Variants in CNTN1 observed in about 807,000 individuals in gnomAD.
CNTN1 encodes contactin-1.
A neutral mutation model predicts 126.4 loss-of-function variants in CNTN1; 38 were observed. The observed-to-expected ratio is 0.30, with a 90% CI of 0.23 to 0.39. The LOEUF is 0.39. Among genes scored for constraint, CNTN1 ranks in the 10% least tolerant of loss-of-function variants. The probability of loss-of-function intolerance (pLI) is 1.00; values close to 1 mark genes in which losing one functional copy is unlikely to be tolerated. For missense variants in CNTN1, 1,009 were observed against 1,248.4 expected, an observed-to-expected ratio of 0.81 and a Z score of 2.89; for synonymous variants, 413 against 422.6, an observed-to-expected ratio of 0.98 and a Z score of 0.28.
At chr12:40,795,189 T>G (rs1940367550) in intron 1 of CNTN1, among the ~76,000 whole-genome samples, 1 of 151,842 alleles carries the variant, frequency 6.6e-6, no homozygotes, top group African/African-American at 2.4e-5. Flanking sequence ...CAGCCAGCCT[T>G]GGGGATTTCT....
rs1475496300 is a variant in CNTN1 at position 40,773,672 on chromosome 12, T to TATATATAC, written c.-77+81081_-77+81082insTATATACA. Among the ~76,000 whole-genome samples, 9 of 9,702 alleles carry TATATATAC rather than the reference T, an allele frequency of 9.3e-4. No homozygotes were observed. In the Admixed American group the frequency reaches 0.011, roughly 12 times the overall value. 6.4% of individuals were successfully genotyped at this position (9,702 alleles called of 152,430 possible). Reference sequence around the variant, plus strand: ...ATATATATACACATATATATATATATACACATATATATATATATATACACA... The same window carrying TATATATAC: ...ATATATATACACATATATATATATATATATATACACACATATATATATATATATACACA... On this transcript the variant is annotated intron_variant, in intron 1 of 23. Transcript: ENST00000551295.
At position 40,816,641 on chromosome 12, in the gene CNTN1, C is replaced by T. The variant is rs149291142; in HGVS notation, c.-76-91716C>T. 3.9e-3 allele frequency among the ~76,000 whole-genome samples: 567 copies of T among 145,308 alleles called. 5 individuals carry two copies. Among genetic ancestry groups the T allele is most frequent in the African/African-American group, 0.014 (543 of 39,678 alleles). On this transcript the variant is annotated intron_variant, in intron 1 of 23. Transcript: ENST00000551295. ...TGAAGGGTTTTTCGTGTCTCTGTTTCCTTCACTTCTTCTCTGATCTTATTT... is the reference window on the plus strand; with the variant it reads ...TGAAGGGTTTTTCGTGTCTCTGTTTTCTTCACTTCTTCTCTGATCTTATTT...
In CNTN1 at chr12:41,019,150, C is replaced by G. The variant is rs150216522; in HGVS notation, c.2420-1187C>G. 6.2e-4 allele frequency among the ~76,000 whole-genome samples: 94 copies of G among 152,194 alleles called. 1 individual carries two copies. The East Asian group carries it at 0.016, about 26-fold the overall frequency. On this transcript the variant is annotated intron_variant, in intron 19 of 23. Transcript: ENST00000551295. ...CAGCCTGGGCAACAAGAGCGAAACT[C>G]CATCTCAAAAACAAAACAAAACAAC...
intron 23 of CNTN1, among the ~76,000 whole-genome samples, chr12:41,067,831 A>G (rs1950079395): frequency 6.6e-6 from 1 of 152,010 alleles, no homozygotes; most frequent in African/African-American, 2.4e-5. Flanking sequence ...TAAAGGTTTT[A>G]CTGTGTGATT....
intron 7 of CNTN1, among the ~76,000 whole-genome samples, chr12:40,930,585 TA>T (rs1185204851): frequency 6.6e-6 from 1 of 151,924 alleles, no homozygotes; most frequent in African/African-American, 2.4e-5. Flanking sequence ...ACTTCCCTTT[TA>T]AAAAGCACTG....
chr12:40,921,461 C>T (rs1184445769), intron 4 of CNTN1, among the ~76,000 whole-genome samples: 3 of 152,172 alleles, frequency 2.0e-5, no homozygotes, highest in African/African-American at 7.2e-5. Context: ...TTTTCATCAT[C>T]ACATCAGAAA....
At chr12:40,776,664 A>G (rs1387043757) in intron 1 of CNTN1, among the ~76,000 whole-genome samples, 1 of 151,742 alleles carries the variant, frequency 6.6e-6, no homozygotes, top group Non-Finnish European at 1.5e-5. Context: ...TAGACTTAAG[A>G]AAGGAATAGT....
At chr12:40,952,808 CA>C (rs1025767615) in intron 14 of CNTN1, among the ~76,000 whole-genome samples, 5 of 151,860 alleles carry the variant, frequency 3.3e-5, no homozygotes, top group Admixed American at 3.3e-4. Flanking sequence ...TCTAACAAGC[CA>C]AAAGTAAAGA....
intron 14 of CNTN1, among the ~76,000 whole-genome samples, chr12:40,954,130 T>C (rs909059390): frequency 6.6e-6 from 1 of 152,112 alleles, no homozygotes; most frequent in African/African-American, 2.4e-5. Flanking sequence ...ACCAAAGTAC[T>C]GAGTTCATTT....
chr12:41,053,425 CTAAATA>C (rs1445540640), intron 23 of CNTN1, among the ~76,000 whole-genome samples: 1 of 35,856 alleles, frequency 2.8e-5, no homozygotes, highest in African/African-American at 1.9e-4. Flanking sequence ...CATGTTTTCA[CTAAATA>C]TATATATATA....
At chr12:40,949,192 C>T (rs1592305906) in intron 14 of CNTN1, among the ~76,000 whole-genome samples, 1 of 107,696 alleles carries the variant, frequency 9.3e-6, no homozygotes, top group African/African-American at 3.7e-5. Flanking sequence ...AAACAGAAGT[C>T]AATTTGTTTT....
chr12:40,831,978 A>C (rs1017611509), intron 1 of CNTN1, among the ~76,000 whole-genome samples: 4 of 152,204 alleles, frequency 2.6e-5, no homozygotes, highest in Non-Finnish European at 5.9e-5. Context: ...AATATGTATA[A>C]AAGTATGGAG....
chr12:40,877,318 C>T (rs1943702830), intron 1 of CNTN1, among the ~76,000 whole-genome samples: 1 of 151,402 alleles, frequency 6.6e-6, no homozygotes, highest in Non-Finnish European at 1.5e-5. Context: ...ATCAAATAAA[C>T]AGACTCATGG....
In CNTN1 at chr12:41,029,006, G is replaced by C. The variant is rs962533442; in HGVS notation, c.2824-57G>C. 3 of 1,506,132 alleles carry C rather than the reference G, an allele frequency of 2.0e-6. No homozygotes were observed. In the African/African-American group the frequency reaches 4.1e-5, roughly 21 times the overall value. The allele number at this position is 1,506,132 out of a possible 1,614,324, so 93.3% of individuals were successfully genotyped here. A position where few individuals can be genotyped will look rare whatever the true frequency, so the allele number is the denominator to read the frequency against. ...CATTTTTATTCTGGTTTTAGTGTTA[G>C]AGCATTGGCTCATTATTATGACTTT... On this transcript the variant is annotated intron_variant, in intron 22 of 23. Transcript: ENST00000551295.
chr12:40,972,588 TA>T (rs1947553443), intron 15 of CNTN1: 1 of 785,712 alleles, frequency 1.3e-6, no homozygotes, highest in Non-Finnish European at 1.5e-6. Context: ...AAAAATAATT[TA>T]TTAGTCATCA....
At chr12:40,778,651 A>G (rs1939679317) in intron 1 of CNTN1, among the ~76,000 whole-genome samples, 1 of 151,772 alleles carries the variant, frequency 6.6e-6, no homozygotes, top group Non-Finnish European at 1.5e-5. Flanking sequence ...AACACGAACA[A>G]TCCCTTAGGT....
At chr12:40,951,535 G>A (rs1291670839) in intron 14 of CNTN1, among the ~76,000 whole-genome samples, 1 of 151,416 alleles carries the variant, frequency 6.6e-6, no homozygotes, top group Non-Finnish European at 1.5e-5. Context: ...TATGTTATGT[G>A]TGAAAATGGT....
chr12:40,947,486 A>G (rs942952823), intron 14 of CNTN1, among the ~76,000 whole-genome samples: 1 of 152,076 alleles, frequency 6.6e-6, no homozygotes, highest in African/African-American at 2.4e-5. Flanking sequence ...TAAATACAAA[A>G]GGCAGAGCCA....
At chr12:40,904,088 G>C (rs912802496) in intron 1 of CNTN1, among the ~76,000 whole-genome samples, 4 of 151,606 alleles carry the variant, frequency 2.6e-5, no homozygotes, top group East Asian at 3.9e-4. Context: ...GCGCGATCTC[G>C]GCTCACTGCA....
Sources: gnomAD v4.1 joint callset for allele counts (sites outside exome capture counted in the v4.1 genomes callset) on GRCh38, gnomAD v4.1.1 for gene constraint, MANE v1.5 for transcripts, NCBI Gene and HGNC (gene_info 2026-07-23, HGNC 2026-07-21) for gene names.